The following IMMP2L variants were observed in gnomAD, a reference collection of about 807,000 sequenced individuals.
The protein encoded by IMMP2L is mitochondrial inner membrane protease subunit 2.
IMMP2L carries 18 observed loss-of-function variants against 19.3 expected under a neutral mutation model. That is an observed-to-expected ratio of 0.93 (90% CI 0.64 to 1.38). The LOEUF is 1.38. IMMP2L is among the 40% of genes most tolerant of loss of function. The pLI is 0.00. For missense variants in IMMP2L, 233 were observed against 218.2 expected (o/e 1.07, Z -0.43); for synonymous variants, 76 against 73.0 (o/e 1.04, Z -0.21).
chr7:111,537,704 T>A (rs955356364), intron 1 of IMMP2L, among the ~76,000 whole-genome samples: 5 of 151,652 alleles, frequency 3.3e-5, no homozygotes, highest in Non-Finnish European at 5.9e-5. Context: ...CCTGGCTAAT[T>A]TTTGTATTTT....
chr7:111,486,282 T>C (rs1842648728), intron 3 of IMMP2L, among the ~76,000 whole-genome samples: 1 of 152,184 alleles, frequency 6.6e-6, no homozygotes, highest in Non-Finnish European at 1.5e-5. Context: ...AGAATATCTA[T>C]TTCCACAAAG....
chr7:111,150,652 T>C (rs1803971041), intron 3 of IMMP2L, among the ~76,000 whole-genome samples: 2 of 152,198 alleles, frequency 1.3e-5, no homozygotes, highest in South Asian at 4.1e-4. Flanking sequence ...CTCATTACTA[T>C]AGAATTTTAC....
At chr7:110,811,349 A>T (rs1802021490) in intron 5 of IMMP2L, among the ~76,000 whole-genome samples, 1 of 152,040 alleles carries the variant, frequency 6.6e-6, no homozygotes, top group Non-Finnish European at 1.5e-5. Flanking sequence ...ATCACAGAAA[A>T]TCCTAAAAAT....
intron 3 of IMMP2L, among the ~76,000 whole-genome samples, chr7:111,134,096 G>T (rs541738394): frequency 1.3e-5 from 2 of 151,912 alleles, no homozygotes; most frequent in African/African-American, 4.8e-5. Context: ...TTTTAAGATT[G>T]ACCTAGTTCT....
chr7:111,454,568 G>A (rs79015879), intron 3 of IMMP2L, among the ~76,000 whole-genome samples: 1 of 151,778 alleles, frequency 6.6e-6, no homozygotes, highest in Non-Finnish European at 1.5e-5. Flanking sequence ...TATTTCCTGT[G>A]TATCATTTCA....
chr7:110,886,959 A>G (rs987507140), intron 4 of IMMP2L, among the ~76,000 whole-genome samples: 1 of 152,158 alleles, frequency 6.6e-6, no homozygotes, highest in Admixed American at 6.6e-5. Flanking sequence ...GTTGTTATTT[A>G]ATAGAATTCA....
intron 5 of IMMP2L, among the ~76,000 whole-genome samples, chr7:110,811,683 A>G (rs1802049625): frequency 6.6e-6 from 1 of 152,096 alleles, no homozygotes; most frequent in South Asian, 2.1e-4. Context: ...AGTGTTATGC[A>G]AACATTGTAA....
At chr7:111,428,623 ACT>A (rs1381353332) in intron 3 of IMMP2L, among the ~76,000 whole-genome samples, 4 of 149,260 alleles carry the variant, frequency 2.7e-5, no homozygotes, top group Non-Finnish European at 5.9e-5. Flanking sequence ...AAGAAATCTA[ACT>A]CTGCTTTACT....
chr7:110,823,390 G>C (rs1803204827), intron 5 of IMMP2L, among the ~76,000 whole-genome samples: 5 of 152,046 alleles, frequency 3.3e-5, no homozygotes, highest in Admixed American at 3.3e-4. Context: ...TTGACTCAAA[G>C]AGATTATATT....
In IMMP2L at chr7:110,757,533, C is replaced by T. The variant is rs1798105564; in HGVS notation, c.409-93812G>A. Among the ~76,000 whole-genome samples the T allele has an allele frequency of 6.6e-6, 1 of 151,992 alleles. No homozygotes were observed. Among genetic ancestry groups the T allele is most frequent in the African/African-American group, 2.4e-5 (1 of 41,390 alleles). ...AGTAGTGGGCTCCTTTGCCCTCTGG[C>T]TTCCGATTTGGTACACATAATGAGG... is the stretch of plus-strand genomic sequence containing the variant. On this transcript the variant is annotated intron_variant, in intron 5 of 5. Transcript: ENST00000405709. The surrounding 1 kb of genome is among the most constrained non-coding windows in gnomAD (Gnocchi z 4.2).
chr7:110,914,958 G>T (rs372684465), intron 4 of IMMP2L, among the ~76,000 whole-genome samples: 1 of 152,128 alleles, frequency 6.6e-6, no homozygotes, highest in Non-Finnish European at 1.5e-5. Context: ...TGGTGATGGT[G>T]AGGAGAAAAG....
chr7:111,403,030 C>T (rs1252879149), intron 3 of IMMP2L, among the ~76,000 whole-genome samples: 2 of 137,978 alleles, frequency 1.4e-5, no homozygotes, highest in African/African-American at 2.6e-5. Context: ...GTGATCCTCC[C>T]ACCTCAGCCT....
intron 4 of IMMP2L, among the ~76,000 whole-genome samples, chr7:110,926,669 T>G (rs1348690424): frequency 6.6e-6 from 1 of 152,148 alleles, no homozygotes; most frequent in African/African-American, 2.4e-5. Flanking sequence ...CCTGTATACT[T>G]GGAATAAAGG....
intron 3 of IMMP2L, among the ~76,000 whole-genome samples, chr7:110,986,079 A>G (rs1197899815): frequency 6.6e-6 from 1 of 152,200 alleles, no homozygotes. Context: ...TCTTTGAGGG[A>G]AATTTAAGCT....
chr7:110,934,895 C>T (rs1009653100), intron 4 of IMMP2L, among the ~76,000 whole-genome samples: 9 of 152,124 alleles, frequency 5.9e-5, no homozygotes. Context: ...TGTGTCTTTG[C>T]ATGTAAGATG....
intron 3 of IMMP2L, among the ~76,000 whole-genome samples, chr7:111,044,435 C>A (rs1363066749): frequency 6.6e-6 from 1 of 152,108 alleles, no homozygotes; most frequent in Non-Finnish European, 1.5e-5. Context: ...GTGATGAGCA[C>A]CTGTAATTCC....
chr7:110,936,155 T>C (rs1816090414), intron 4 of IMMP2L, among the ~76,000 whole-genome samples: 1 of 152,090 alleles, frequency 6.6e-6, no homozygotes, highest in Non-Finnish European at 1.5e-5. Context: ...ACTTCATGAC[T>C]AAAACACCAA....
chr7:110,883,583 C>CATACA (rs1358792622), intron 5 of IMMP2L, among the ~76,000 whole-genome samples: 14 of 152,096 alleles, frequency 9.2e-5, no homozygotes, highest in African/African-American at 3.1e-4. Flanking sequence ...ATATTCCCTG[C>CATACA]ATACAAATTG....
At chr7:110,889,892 C>T (rs1465595817) in intron 4 of IMMP2L, among the ~76,000 whole-genome samples, 3 of 152,148 alleles carry the variant, frequency 2.0e-5, no homozygotes, top group Non-Finnish European at 2.9e-5. Flanking sequence ...ATATTAAACA[C>T]TTGATAAGTG....
Sources: allele counts gnomAD v4.1 joint callset (sites outside exome capture counted in the v4.1 genomes callset), GRCh38; gene constraint gnomAD v4.1.1; non-coding constraint Gnocchi (gnomAD v3.1); transcripts MANE v1.5; gene names NCBI Gene and HGNC (gene_info 2026-07-23, HGNC 2026-07-21).